Variants in RCAN2 observed in about 807,000 individuals in gnomAD.
RCAN2 encodes calcipressin-2.
A neutral mutation model predicts 23.6 loss-of-function variants in RCAN2; 9 were observed. That is an observed-to-expected ratio of 0.38 (90% CI 0.23 to 0.67). The LOEUF (loss-of-function observed/expected upper bound fraction) is 0.67, where lower values mean the gene tolerates loss of function less well. Ranked by LOEUF, RCAN2 falls within the 30% of genes least tolerant of loss-of-function variation. The probability of loss-of-function intolerance (pLI) is 0.51; values close to 1 mark genes in which losing one functional copy is unlikely to be tolerated. For synonymous variants in RCAN2, 109 were observed against 115.7 expected (o/e 0.94, Z 0.37); for missense variants, 273 against 302.3 (o/e 0.90, Z 0.72).
At chr6:46,291,208 C>T (rs963751943) in intron 2 of RCAN2, among the ~76,000 whole-genome samples, 2 of 150,864 alleles carry the variant, frequency 1.3e-5, no homozygotes, top group African/African-American at 2.4e-5. Flanking sequence ...CTTAAAAACT[C>T]AACCACAGAG....
At chr6:46,408,252 C>T (rs151185017) in intron 2 of RCAN2, among the ~76,000 whole-genome samples, 21 of 152,238 alleles carry the variant, frequency 1.4e-4, no homozygotes, top group African/African-American at 5.1e-4. Context: ...GCTCAGGTAC[C>T]TGTTTACATG....
rs139191082 is a variant in RCAN2, at chr6:46,350,872, A to G, written c.226-101976T>C. The stretch of plus-strand genomic sequence containing the variant: ...ACAGTAGAACTGGGAGTCAAACCCC[A>G]AAAGTCTGGCCTGGAGCCCACCCAC... On this transcript the variant is annotated intron_variant, in intron 2 of 4. Coordinates refer to ENST00000371374, the MANE Select transcript of RCAN2 (RefSeq NM_001251974.2). Among the ~76,000 whole-genome samples the G allele has an allele frequency of 1.6e-3, 241 of 152,270 alleles. 1 individual carries two copies. Among genetic ancestry groups the G allele is most frequent in the African/African-American group, 5.5e-3 (229 of 41,572 alleles).
intron 2 of RCAN2, among the ~76,000 whole-genome samples, chr6:46,367,289 G>A (rs1385902860): frequency 6.6e-6 from 1 of 151,638 alleles, no homozygotes; most frequent in Non-Finnish European, 1.5e-5. Flanking sequence ...ATAATTCTAG[G>A]CTTGTCATAA....
chr6:46,479,684 G>A (rs1434905452), intron 1 of RCAN2, among the ~76,000 whole-genome samples: 1 of 146,444 alleles, frequency 6.8e-6, no homozygotes, highest in Non-Finnish European at 1.5e-5. Context: ...CCGGGTTCAA[G>A]CAATTCTCCT....
At chr6:46,249,482 C>A (rs1020572638) in intron 2 of RCAN2, among the ~76,000 whole-genome samples, 3 of 151,230 alleles carry the variant, frequency 2.0e-5, no homozygotes, top group African/African-American at 4.9e-5. Flanking sequence ...CCACACCCAG[C>A]TAATTTTTGT....
Position 46,379,511 on chromosome 6 carries a change from C to T in RCAN2, c.225+77241G>A, listed in dbSNP as rs75236650. On this transcript the variant is annotated intron_variant, in intron 2 of 4. Coordinates refer to ENST00000371374, the MANE Select transcript of RCAN2 (RefSeq NM_001251974.2). ...ATTTTCTCTGTAACTCATTTTAGCCCGGGCAATTTCATGTAATCCAGTTAC... is the reference window on the plus strand; with the variant it reads ...ATTTTCTCTGTAACTCATTTTAGCCTGGGCAATTTCATGTAATCCAGTTAC... Among the ~76,000 whole-genome samples, 49 of 152,188 alleles carry T rather than the reference C, an allele frequency of 3.2e-4. No homozygotes were observed. In the East Asian group the frequency reaches 8.7e-3, roughly 27 times the overall value.
chr6:46,391,534 A>C (rs992540670), intron 2 of RCAN2, among the ~76,000 whole-genome samples: 2 of 152,124 alleles, frequency 1.3e-5, no homozygotes, highest in Non-Finnish European at 2.9e-5. Flanking sequence ...AGCAAAGTAC[A>C]CTGCCATTTG....
intron 2 of RCAN2, among the ~76,000 whole-genome samples, chr6:46,448,850 T>G (rs1188492351): frequency 1.3e-5 from 2 of 151,784 alleles, no homozygotes; most frequent in African/African-American, 2.4e-5. Context: ...AGGCCATATA[T>G]AACAAACTCA....
At chr6:46,404,948 G>A (rs1450565058) in intron 2 of RCAN2, among the ~76,000 whole-genome samples, 2 of 152,278 alleles carry the variant, frequency 1.3e-5, no homozygotes, top group Non-Finnish European at 2.9e-5. Context: ...ACAGGTGAAT[G>A]CAAACCATTT....
At chr6:46,350,010 C>G (rs1050347470) in intron 2 of RCAN2, among the ~76,000 whole-genome samples, 1 of 152,210 alleles carries the variant, frequency 6.6e-6, no homozygotes, top group African/African-American at 2.4e-5. Flanking sequence ...ATCACTGGCC[C>G]ACCTCTAACA....
At chr6:46,288,860 T>C (rs1762452444) in intron 2 of RCAN2, among the ~76,000 whole-genome samples, 1 of 152,270 alleles carries the variant, frequency 6.6e-6, no homozygotes, top group Non-Finnish European at 1.5e-5. Context: ...TGTGTCACTA[T>C]ATCCACAGTG....
intron 1 of RCAN2, among the ~76,000 whole-genome samples, chr6:46,484,439 G>T (rs1327450018): frequency 6.6e-6 from 1 of 152,188 alleles, no homozygotes; most frequent in East Asian, 1.9e-4. Context: ...CAGAAGGGGA[G>T]CTGGTCAAAA....
intron 2 of RCAN2, among the ~76,000 whole-genome samples, chr6:46,391,277 T>C (rs1183809461): frequency 6.6e-6 from 1 of 152,156 alleles, no homozygotes; most frequent in Non-Finnish European, 1.5e-5. Flanking sequence ...CTGGAAACCA[T>C]CATTCTCAGC....
At chr6:46,372,665 C>T (rs2150389665) in intron 2 of RCAN2, among the ~76,000 whole-genome samples, 1 of 152,262 alleles carries the variant, frequency 6.6e-6, no homozygotes, top group East Asian at 1.9e-4. Context: ...AGAAAGTGCC[C>T]TTGTCAATTA....
At chr6:46,275,509 C>T (rs1767664682) in intron 2 of RCAN2, among the ~76,000 whole-genome samples, 1 of 152,184 alleles carries the variant, frequency 6.6e-6, no homozygotes, top group Non-Finnish European at 1.5e-5. Flanking sequence ...CTCTAAGCCA[C>T]TCAGATGGCA....
At chr6:46,368,389 C>T (rs1765233475) in intron 2 of RCAN2, among the ~76,000 whole-genome samples, 2 of 152,156 alleles carry the variant, frequency 1.3e-5, no homozygotes, top group South Asian at 4.1e-4. Context: ...TAGCTCTGCT[C>T]AAACAAAAAA....
At chr6:46,295,637 A>C (rs976619195) in intron 2 of RCAN2, among the ~76,000 whole-genome samples, 1 of 152,102 alleles carries the variant, frequency 6.6e-6, no homozygotes, top group African/African-American at 2.4e-5. Flanking sequence ...CAGGGAAGCA[A>C]GGAGAGATGA....
chr6:46,312,796 C>T (rs769693773), intron 2 of RCAN2, among the ~76,000 whole-genome samples: 7 of 152,202 alleles, frequency 4.6e-5, no homozygotes, highest in Non-Finnish European at 8.8e-5. Context: ...GGTCTGGCTG[C>T]AATACTGCAG....
intron 2 of RCAN2, chr6:46,325,842 A>G (rs1168989598): frequency 1.0e-6 from 1 of 985,168 alleles, no homozygotes; most frequent in Non-Finnish European, 1.2e-6. Flanking sequence ...AGCGTTAGCT[A>G]GGAACTGAGT....
Sources: gnomAD v4.1 joint callset for allele counts (sites outside exome capture counted in the v4.1 genomes callset) on GRCh38, gnomAD v4.1.1 for gene constraint, MANE v1.5 for transcripts, NCBI Gene and HGNC (gene_info 2026-07-23, HGNC 2026-07-21) for gene names.